Variants in MARK1 observed in about 807,000 individuals in gnomAD.
MARK1 encodes serine/threonine-protein kinase MARK1.
In MARK1, 40 loss-of-function variants were observed where a neutral mutation model predicts 96.3. That is an observed-to-expected ratio of 0.42 (90% CI 0.32 to 0.54). The LOEUF (loss-of-function observed/expected upper bound fraction) is 0.54, where lower values mean the gene tolerates loss of function less well. MARK1 is among the 20% of genes least tolerant of loss of function. The probability of loss-of-function intolerance (pLI) is 0.16; values close to 1 mark genes in which losing one functional copy is unlikely to be tolerated. For synonymous variants in MARK1, 317 were observed against 341.2 expected (o/e 0.93, Z 0.78); for missense variants, 719 against 984.6 (o/e 0.73, Z 3.61).
chr1:220,648,491 A>G (rs1216545838), intron 13 of MARK1, among the ~76,000 whole-genome samples: 1 of 152,248 alleles, frequency 6.6e-6, no homozygotes, highest in Non-Finnish European at 1.5e-5. Context: ...GGGAAATACA[A>G]CTGATGGTTG....
chr1:220,536,839 C>G (rs566509946), intron 1 of MARK1, among the ~76,000 whole-genome samples: 1 of 152,272 alleles, frequency 6.6e-6, no homozygotes, highest in South Asian at 2.1e-4. Flanking sequence ...CCTCAGCCTG[C>G]CAAAGTGCTG....
Position 220,599,556 on chromosome 1 carries a change from C to G in MARK1, c.359-242C>G, listed in dbSNP as rs540998573. Reference sequence around the variant, plus strand: ...TTATTCTAATTTGAAAAAGTAATGACCTTTTAATCCTAGAAACTTAACTTT... The same window carrying G: ...TTATTCTAATTTGAAAAAGTAATGAGCTTTTAATCCTAGAAACTTAACTTT... On this transcript the variant is annotated intron_variant, in intron 4 of 17. Coordinates refer to ENST00000366917, the MANE Select transcript of MARK1 (RefSeq NM_018650.5). 7.0e-4 allele frequency among the ~76,000 whole-genome samples: 107 copies of G among 152,060 alleles called. 1 individual carries two copies. In the South Asian group the frequency reaches 7.7e-3, roughly 11 times the overall value.
In MARK1 at chr1:220,583,653, C is replaced by CT. The variant is rs397966746; in HGVS notation, c.309+2548dup. Among the ~76,000 whole-genome samples, 962 of 139,812 alleles carry CT rather than the reference C, an allele frequency of 6.9e-3. 10 individuals carry two copies. The highest frequency in any genetic ancestry group is 0.028 in the South Asian group (122 of 4,396). The allele number at this position is 139,812 out of a possible 152,430, so 91.7% of individuals were successfully genotyped here. On this transcript the variant is annotated intron_variant, in intron 3 of 17. Coordinates refer to ENST00000366917, the MANE Select transcript of MARK1 (RefSeq NM_018650.5). ...GAACCATACTAGTGATTCCTGGGTT[C>CT]TTTTTTTTTTTTTGAGACAGAGTCT...
chr1:220,582,798 T>A (rs990673313), intron 3 of MARK1, among the ~76,000 whole-genome samples: 1 of 152,238 alleles, frequency 6.6e-6, no homozygotes, highest in Non-Finnish European at 1.5e-5. Context: ...AATCTACTAA[T>A]CTTGTTGATA....
intron 9 of MARK1, among the ~76,000 whole-genome samples, chr1:220,620,827 T>C (rs1247618181): frequency 6.6e-6 from 1 of 152,124 alleles, no homozygotes; most frequent in African/African-American, 2.4e-5. Context: ...TATTATATTA[T>C]AGATATTACT....
intron 1 of MARK1, among the ~76,000 whole-genome samples, chr1:220,535,524 C>T (rs1397503150): frequency 1.3e-5 from 2 of 151,988 alleles, no homozygotes; most frequent in African/African-American, 4.8e-5. Context: ...TTGATTTAGT[C>T]CTGATTGTCT....
Position 220,618,869 on chromosome 1 carries a change from C to G in MARK1, c.909+114C>G. 1 of 912,872 alleles carries G rather than the reference C, an allele frequency of 1.1e-6. No homozygotes were observed. Among genetic ancestry groups the G allele is most frequent in the Non-Finnish European group, 1.6e-6 (1 of 634,786 alleles). 56.5% of individuals were successfully genotyped at this position (912,872 alleles called of 1,614,324 possible). The stretch of plus-strand genomic sequence containing the variant: ...GAAAATTGCCAAATTATCTAATCTG[C>G]CTTTTGTTTGTAGGTAGGGAAAATT... On this transcript the variant is annotated intron_variant, in intron 9 of 17. Coordinates refer to ENST00000366917, the MANE Select transcript of MARK1 (RefSeq NM_018650.5). This position sits in a 1 kb window ranked among gnomAD's most constrained non-coding sequence, Gnocchi z 4.6.
At chr1:220,629,352 CT>C (rs77070158) in intron 9 of MARK1, among the ~76,000 whole-genome samples, 9,213 of 134,392 alleles carry the variant, frequency 0.069, 847 homozygotes, top group African/African-American at 0.22. Context: ...ACAAGATTGC[CT>C]TTTTTTTTTT....
chr1:220,661,711 T>C (rs1402472256), intron 17 of MARK1, 101 bp from the exon 18 acceptor site: 1 of 811,318 alleles, frequency 1.2e-6, no homozygotes, highest in African/African-American at 1.7e-5. Context: ...GGTAGTGTTA[T>C]TAGGCACTGA....
At chr1:220,534,424 C>T (rs1454680421) in intron 1 of MARK1, among the ~76,000 whole-genome samples, 1 of 152,012 alleles carries the variant, frequency 6.6e-6, no homozygotes, top group Non-Finnish European at 1.5e-5. Flanking sequence ...ATTAATCAAT[C>T]TCTCTTCATC....
intron 14 of MARK1, 134 bp from the exon 15 acceptor site, chr1:220,651,852 A>C (rs1668895430): frequency 3.7e-6 from 2 of 547,072 alleles, no homozygotes; most frequent in Non-Finnish European, 6.3e-6. Context: ...CACTAATGTT[A>C]GTTTCTTTCA....
intron 2 of MARK1, among the ~76,000 whole-genome samples, chr1:220,580,376 C>T (rs1314773813): frequency 6.6e-6 from 1 of 151,770 alleles, no homozygotes; most frequent in Non-Finnish European, 1.5e-5. Context: ...TACTTGGGAG[C>T]TTGAGGTGAG....
chr1:220,603,585 A>G (rs1168578841), intron 5 of MARK1, among the ~76,000 whole-genome samples: 1 of 152,092 alleles, frequency 6.6e-6, no homozygotes, highest in Non-Finnish European at 1.5e-5. Flanking sequence ...AAGGAAAGAA[A>G]TAAATCAATG....
At chr1:220,621,207 T>C (rs1320917913) in intron 9 of MARK1, among the ~76,000 whole-genome samples, 1 of 152,138 alleles carries the variant, frequency 6.6e-6, no homozygotes, top group African/African-American at 2.4e-5. Context: ...AGCTATGTTA[T>C]TCTCCTTGGG....
intron 1 of MARK1, among the ~76,000 whole-genome samples, chr1:220,549,381 T>C (rs929580725): frequency 9.2e-5 from 14 of 152,258 alleles, no homozygotes; most frequent in Admixed American, 7.9e-4. Context: ...TAGCTGCTGA[T>C]GCTGCTGTTA....
At chr1:220,598,899 A>G (rs1665558784) in intron 4 of MARK1, among the ~76,000 whole-genome samples, 2 of 151,890 alleles carry the variant, frequency 1.3e-5, no homozygotes, top group South Asian at 4.2e-4. Context: ...GGATTGCTTG[A>G]GCCTGGGAGG....
At chr1:220,538,775 G>A (rs925702986) in intron 1 of MARK1, among the ~76,000 whole-genome samples, 1 of 152,192 alleles carries the variant, frequency 6.6e-6, no homozygotes, top group Admixed American at 6.5e-5. Context: ...TCTTGAAGAG[G>A]TCCTTCACGT....
intron 3 of MARK1, among the ~76,000 whole-genome samples, chr1:220,590,194 T>C (rs559141478): frequency 1.3e-5 from 2 of 152,116 alleles, no homozygotes; most frequent in Non-Finnish European, 2.9e-5. Context: ...TTTAGGGGAG[T>C]CTTGGAGAGG....
chr1:220,529,892 C>T (rs1015718882), intron 1 of MARK1, among the ~76,000 whole-genome samples: 7 of 152,098 alleles, frequency 4.6e-5, no homozygotes, highest in Non-Finnish European at 1.0e-4. Context: ...ATTTTAAGGA[C>T]CTAGAGGGGT....
Sources: gnomAD v4.1 joint callset for allele counts (sites outside exome capture counted in the v4.1 genomes callset) on GRCh38, gnomAD v4.1.1 for gene constraint, Gnocchi (gnomAD v3.1) non-coding constraint, MANE v1.5 for transcripts, NCBI Gene and HGNC (gene_info 2026-07-23, HGNC 2026-07-21) for gene names.